Variants in MACROD2 observed in about 807,000 individuals in gnomAD.
MACROD2 encodes ADP-ribose glycohydrolase MACROD2.
MACROD2 carries 36 observed loss-of-function variants against 70.4 expected under a neutral mutation model. The observed-to-expected ratio is 0.51, with a 90% CI of 0.39 to 0.68. MACROD2 has a LOEUF of 0.68. Among genes scored for constraint, MACROD2 ranks in the 30% least tolerant of loss-of-function variants. The pLI, the probability that MACROD2 is intolerant of heterozygous loss-of-function variation, is 0.00. For synonymous variants in MACROD2, 172 were observed against 178.8 expected (o/e 0.96, Z 0.30); for missense variants, 496 against 538.4 (o/e 0.92, Z 0.78).
At chr20:14,276,275 C>A (rs1175650738) in intron 3 of MACROD2, among the ~76,000 whole-genome samples, 1 of 150,790 alleles carries the variant, frequency 6.6e-6, no homozygotes, top group East Asian at 2.0e-4. Context: ...GGCACATATA[C>A]ACCATGGAAT....
chr20:15,769,158 T>G (rs1398594725), intron 8 of MACROD2, among the ~76,000 whole-genome samples: 2 of 151,974 alleles, frequency 1.3e-5, no homozygotes, highest in African/African-American at 4.8e-5. Flanking sequence ...TGTTTTTTTG[T>G]TTTTTTTGAG....
At chr20:14,460,305 T>A (rs1049764570) in intron 3 of MACROD2, among the ~76,000 whole-genome samples, 4 of 152,156 alleles carry the variant, frequency 2.6e-5, no homozygotes, top group African/African-American at 9.7e-5. Flanking sequence ...CGCCACACTG[T>A]CTTCCACAAT....
At chr20:15,736,670 G>T (rs966582005) in intron 8 of MACROD2, among the ~76,000 whole-genome samples, 1 of 152,134 alleles carries the variant, frequency 6.6e-6, no homozygotes, top group African/African-American at 2.4e-5. Flanking sequence ...AATATAGTTG[G>T]CCCTGTTGTG....
intron 6 of MACROD2, among the ~76,000 whole-genome samples, chr20:15,235,706 A>G (rs2077007774): frequency 6.6e-6 from 1 of 152,188 alleles, no homozygotes; most frequent in African/African-American, 2.4e-5. Flanking sequence ...GTTTTATTTC[A>G]TTATCTGAGT....
chr20:14,078,201 C>T (rs187173110), intron 2 of MACROD2, among the ~76,000 whole-genome samples: 4 of 151,938 alleles, frequency 2.6e-5, no homozygotes, highest in East Asian at 1.9e-4. Flanking sequence ...CGTGCCCGGC[C>T]GCCTCTTTAC....
chr20:14,222,576 C>A (rs2081685890), intron 3 of MACROD2, among the ~76,000 whole-genome samples: 1 of 151,994 alleles, frequency 6.6e-6, no homozygotes, highest in Non-Finnish European at 1.5e-5. Flanking sequence ...CCTGATTTCA[C>A]CACTATGCAT....
At chr20:15,581,949 C>G (rs2048530581) in intron 8 of MACROD2, among the ~76,000 whole-genome samples, 1 of 152,102 alleles carries the variant, frequency 6.6e-6, no homozygotes, top group South Asian at 2.1e-4. Flanking sequence ...TGGGGAAACC[C>G]CGTCTCTACT....
At chr20:15,206,192 T>C (rs2076700545) in intron 5 of MACROD2, among the ~76,000 whole-genome samples, 1 of 152,186 alleles carries the variant, frequency 6.6e-6, no homozygotes, top group Non-Finnish European at 1.5e-5. Flanking sequence ...TTATTGAATA[T>C]ATTGGTTCAT....
chr20:14,994,341 T>C lies in MACROD2; in HGVS notation c.419-235599T>C, dbSNP rs574296191. 9.9e-5 allele frequency among the ~76,000 whole-genome samples: 15 copies of C among 152,210 alleles called. No homozygotes were observed. In the South Asian group the frequency reaches 3.1e-3, roughly 32 times the overall value. ...TGGGCTTCAAGGGATGTAACCACTA[T>C]CAAAATCACGCTCTGGAAGGAAAGA... On this transcript the variant is annotated intron_variant, in intron 5 of 17. Coordinates refer to ENST00000684519, the MANE Select transcript of MACROD2 (RefSeq NM_001351661.2).
intron 13 of MACROD2, among the ~76,000 whole-genome samples, chr20:15,978,293 A>T (rs1238362987): frequency 6.6e-6 from 1 of 152,206 alleles, no homozygotes; most frequent in African/African-American, 2.4e-5. Context: ...CTGCAGCTGC[A>T]TTCCTGGACC....
At chr20:15,339,189 T>C (rs952174416) in intron 6 of MACROD2, among the ~76,000 whole-genome samples, 2 of 151,894 alleles carry the variant, frequency 1.3e-5, no homozygotes, top group Admixed American at 6.6e-5. Context: ...GATGGGTACA[T>C]GATAGATACC....
chr20:15,719,717 A>C (rs1000510288), intron 8 of MACROD2, among the ~76,000 whole-genome samples: 9 of 152,086 alleles, frequency 5.9e-5, no homozygotes, highest in African/African-American at 2.2e-4. Context: ...TGATGTTTTG[A>C]TACAGGTATG....
chr20:14,328,662 A>C (rs988532342), intron 3 of MACROD2, among the ~76,000 whole-genome samples: 4 of 152,202 alleles, frequency 2.6e-5, no homozygotes, highest in Admixed American at 2.0e-4. Context: ...ACTGGGACTT[A>C]TAAACTTTTG....
chr20:15,180,431 G>A (rs111392076), intron 5 of MACROD2, among the ~76,000 whole-genome samples: 6 of 152,314 alleles, frequency 3.9e-5, no homozygotes, highest in East Asian at 1.9e-4. Flanking sequence ...ACTTCTATCT[G>A]GTGAATTAAG....
chr20:15,904,900 A>T (rs7263500), intron 10 of MACROD2, among the ~76,000 whole-genome samples: 5,015 of 150,668 alleles, frequency 0.033, 185 homozygotes, highest in African/African-American at 0.081. Context: ...AAAAAAAAAA[A>T]AAAAGAAGGA....
At chr20:14,720,898 A>G in intron 5 of MACROD2, among the ~76,000 whole-genome samples, 1 of 152,010 alleles carries the variant, frequency 6.6e-6, no homozygotes. Context: ...GTGCTTCTGC[A>G]TACACACATA....
chr20:15,635,988 A>G (rs2049358165), intron 8 of MACROD2, among the ~76,000 whole-genome samples: 1 of 146,810 alleles, frequency 6.8e-6, no homozygotes, highest in African/African-American at 2.5e-5. Flanking sequence ...GAACTGTTCG[A>G]GCCCAAAAGG....
At chr20:14,090,704 C>G (rs74795391) in intron 3 of MACROD2, among the ~76,000 whole-genome samples, 1 of 152,066 alleles carries the variant, frequency 6.6e-6, no homozygotes. Flanking sequence ...AATACATAAT[C>G]AATAATGCTG....
intron 5 of MACROD2, among the ~76,000 whole-genome samples, chr20:15,092,096 T>C (rs1309254210): frequency 6.6e-6 from 1 of 152,150 alleles, no homozygotes; most frequent in Admixed American, 6.6e-5. Flanking sequence ...TATATTGCCG[T>C]TTCTTTTTTC....
Sources: gnomAD v4.1 joint callset for allele counts (sites outside exome capture counted in the v4.1 genomes callset) on GRCh38, gnomAD v4.1.1 for gene constraint, MANE v1.5 for transcripts, NCBI Gene and HGNC (gene_info 2026-07-23, HGNC 2026-07-21) for gene names.